PACRG: variants seen among roughly 807,000 people sequenced by gnomAD.
The protein encoded by PACRG is parkin coregulated.
In PACRG, 29 loss-of-function variants were observed where a neutral mutation model predicts 29.7. The observed-to-expected ratio is 0.98, with a 90% confidence interval of 0.73 to 1.33. The LOEUF is 1.33. PACRG is among the 40% of genes most tolerant of loss of function. The pLI is 0.00. For synonymous variants in PACRG, 116 were observed against 118.7 expected, an observed-to-expected ratio of 0.98 and a Z score of 0.15; for missense variants, 279 against 316.2, an observed-to-expected ratio of 0.88 and a Z score of 0.89.
intron 1 of PACRG, among the ~76,000 whole-genome samples, chr6:162,810,214 G>A (rs1250747506): frequency 6.6e-6 from 1 of 152,140 alleles, no homozygotes; most frequent in Admixed American, 6.5e-5. Context: ...TATTAATGAA[G>A]CATTCTCTCC....
At chr6:163,092,061 C>A (rs1814158695) in intron 4 of PACRG, among the ~76,000 whole-genome samples, 1 of 152,110 alleles carries the variant, frequency 6.6e-6, no homozygotes, top group Non-Finnish European at 1.5e-5. Context: ...AAAAATATTT[C>A]TTTCAAGTCC....
intron 2 of PACRG, among the ~76,000 whole-genome samples, chr6:163,004,073 C>CA (rs528143876): frequency 2.3e-4 from 35 of 151,652 alleles, no homozygotes; most frequent in East Asian, 2.1e-3. Context: ...TTAGAATTTA[C>CA]AAAAAAAATT....
intron 3 of PACRG, among the ~76,000 whole-genome samples, chr6:163,088,937 G>T (rs1813844076): frequency 6.6e-6 from 1 of 152,030 alleles, no homozygotes; most frequent in Non-Finnish European, 1.5e-5. Context: ...TTTAACTCCA[G>T]CAACATTAAG....
At chr6:162,982,768 TG>T (rs1802542157) in intron 2 of PACRG, among the ~76,000 whole-genome samples, 1 of 152,110 alleles carries the variant, frequency 6.6e-6, no homozygotes, top group African/African-American at 2.4e-5. Context: ...ATGAATAGAA[TG>T]TATATTCTGC....
chr6:163,063,708 A>G (rs953819083), intron 3 of PACRG, among the ~76,000 whole-genome samples: 1 of 152,044 alleles, frequency 6.6e-6, no homozygotes, highest in Non-Finnish European at 1.5e-5. Context: ...CCACATTTCC[A>G]CCATGACAGA....
chr6:163,184,669 G>C (rs2763999), intron 4 of PACRG, among the ~76,000 whole-genome samples: 80,638 of 152,036 alleles, frequency 0.53, 21,627 homozygotes, highest in Middle Eastern at 0.62. Flanking sequence ...GTGTTTGAGA[G>C]GAGTTAACTC....
At chr6:163,059,258 G>A (rs1248740449) in intron 2 of PACRG, among the ~76,000 whole-genome samples, 1 of 151,958 alleles carries the variant, frequency 6.6e-6, no homozygotes, top group Admixed American at 6.6e-5. Context: ...CAATTGCTCC[G>A]TCTTTTTTCT....
At chr6:162,997,789 T>C (rs920301857) in intron 2 of PACRG, among the ~76,000 whole-genome samples, 4 of 152,264 alleles carry the variant, frequency 2.6e-5, no homozygotes, top group African/African-American at 9.6e-5. Flanking sequence ...TCTTTTGCTA[T>C]ATTAACTTGA....
intron 4 of PACRG, among the ~76,000 whole-genome samples, chr6:163,196,921 AGAC>A (rs147023537): frequency 3.9e-5 from 5 of 127,072 alleles, no homozygotes; most frequent in African/African-American, 1.5e-4. Context: ...CAGACAGACT[AGAC>A]AGATAGATAG....
chr6:162,997,301 C>A, intron 2 of PACRG: 1 of 366,032 alleles, frequency 2.7e-6, no homozygotes, highest in Non-Finnish European at 5.3e-6. Context: ...CGGAATGCAT[C>A]TGACATATGC....
intron 4 of PACRG, among the ~76,000 whole-genome samples, chr6:163,236,672 C>T (rs9458767): frequency 0.41 from 63,026 of 152,000 alleles, 14,048 homozygotes; most frequent in African/African-American, 0.58. Context: ...GAGACTGTGC[C>T]GCTGTACCAA....
At chr6:162,782,179 T>C (rs899474463) in intron 1 of PACRG, among the ~76,000 whole-genome samples, 1 of 151,894 alleles carries the variant, frequency 6.6e-6, no homozygotes, top group African/African-American at 2.4e-5. Context: ...GATCATTACA[T>C]CGGAATAAAG....
intron 2 of PACRG, among the ~76,000 whole-genome samples, chr6:162,995,349 G>T (rs575228657): frequency 3.3e-5 from 5 of 151,302 alleles, no homozygotes; most frequent in Non-Finnish European, 7.4e-5. Context: ...CCTCGCTGCC[G>T]CCTTGCAGTT....
intron 2 of PACRG, among the ~76,000 whole-genome samples, chr6:162,848,861 T>C (rs1243917270): frequency 6.6e-6 from 1 of 152,230 alleles, no homozygotes; most frequent in Non-Finnish European, 1.5e-5. Flanking sequence ...ATTTCAGTGA[T>C]TTGGGGAAAA....
At chr6:162,916,972 C>T (rs542914754) in intron 2 of PACRG, among the ~76,000 whole-genome samples, 1 of 152,148 alleles carries the variant, frequency 6.6e-6, no homozygotes, top group Non-Finnish European at 1.5e-5. Flanking sequence ...CCCAGACTGT[C>T]CGGTCTTCTA....
intron 1 of PACRG, among the ~76,000 whole-genome samples, chr6:162,739,134 T>C (rs1185663809): frequency 6.6e-6 from 1 of 152,204 alleles, no homozygotes; most frequent in East Asian, 1.9e-4. Context: ...ATGAGAATTC[T>C]TTTTTCCAAA....
At chr6:163,310,883 C>T (rs11759099) in intron 4 of PACRG, 15,272 of 152,208 alleles carry the variant, frequency 0.1, 956 homozygotes, top group East Asian at 0.15. Context: ...GCTGTCCCTT[C>T]ACAGCCCCAA....
At chr6:162,900,037 G>GGA (rs992179194) in intron 2 of PACRG, among the ~76,000 whole-genome samples, 3 of 152,082 alleles carry the variant, frequency 2.0e-5, no homozygotes, top group African/African-American at 7.2e-5. Context: ...GAAGGGCGGG[G>GGA]GAGAGAGAGC....
chr6:163,088,344 T>TTGCACTTTTGACCTTC (rs1285759612), intron 3 of PACRG, among the ~76,000 whole-genome samples: 2 of 152,238 alleles, frequency 1.3e-5, no homozygotes, highest in Non-Finnish European at 2.9e-5. Context: ...ATTTTATTAA[T>TTGCACTTTTGACCTTC]TGCACTTTTG....
Sources: gnomAD v4.1 joint callset for allele counts (sites outside exome capture counted in the v4.1 genomes callset) on GRCh38, gnomAD v4.1.1 for gene constraint, MANE v1.5 for transcripts, NCBI Gene and HGNC (gene_info 2026-07-23, HGNC 2026-07-21) for gene names.